MECOM: variants seen among roughly 807,000 people sequenced by gnomAD.
The protein encoded by MECOM is MDS1 and EVI1 complex locus.
A neutral mutation model predicts 116.3 loss-of-function variants in MECOM; 13 were observed. The observed-to-expected ratio is 0.11, with a 90% CI of 0.07 to 0.18. The LOEUF (loss-of-function observed/expected upper bound fraction) is 0.18, where lower values mean the gene tolerates loss of function less well. MECOM is among the 10% of genes least tolerant of loss of function. The pLI is 1.00. For missense variants in MECOM, 1,299 were observed against 1,509.0 expected (o/e 0.86, Z 2.31); for synonymous variants, 528 against 535.2 (o/e 0.99, Z 0.19).
chr3:169,346,597 A>G (rs1725393493), intron 2 of MECOM, among the ~76,000 whole-genome samples: 2 of 152,118 alleles, frequency 1.3e-5, no homozygotes, highest in East Asian at 3.9e-4. Context: ...TATGTCAGCA[A>G]GCCACAGGGG....
chr3:169,267,028 G>C (rs1445207078), intron 2 of MECOM, among the ~76,000 whole-genome samples: 1 of 152,192 alleles, frequency 6.6e-6, no homozygotes, highest in Admixed American at 6.5e-5. Flanking sequence ...GCCCCTCAAA[G>C]GGGACTGACT....
At chr3:169,128,193 G>C in intron 4 of MECOM, 133 bp from the exon 5 acceptor site, 1 of 754,538 alleles carries the variant, frequency 1.3e-6, no homozygotes, top group Non-Finnish European at 2.2e-6. Context: ...TTTTAATCTG[G>C]ATTAGAAATA....
At chr3:169,479,324 G>A (rs1191347637) in intron 1 of MECOM, among the ~76,000 whole-genome samples, 1 of 151,550 alleles carries the variant, frequency 6.6e-6, no homozygotes, top group Non-Finnish European at 1.5e-5. Context: ...CAACAAGAAG[G>A]AAAGGGAGGC....
At chr3:169,173,035 G>T (rs1744671182) in intron 2 of MECOM, among the ~76,000 whole-genome samples, 1 of 152,048 alleles carries the variant, frequency 6.6e-6, no homozygotes, top group Non-Finnish European at 1.5e-5. Flanking sequence ...TCTAAGAAAA[G>T]GATGTATTAT....
chr3:169,218,958 G>A (rs1044007319), intron 2 of MECOM, among the ~76,000 whole-genome samples: 14 of 151,272 alleles, frequency 9.3e-5, no homozygotes, highest in African/African-American at 3.1e-4. Flanking sequence ...ATATAGCTGC[G>A]TGTGTGTGTG....
At chr3:169,234,274 G>A (rs1753761096) in intron 2 of MECOM, among the ~76,000 whole-genome samples, 1 of 151,802 alleles carries the variant, frequency 6.6e-6, no homozygotes. Context: ...GATAGCAAGG[G>A]TCAGTTGGCC....
At chr3:169,183,472 T>C (rs1385274131) in intron 2 of MECOM, among the ~76,000 whole-genome samples, 1 of 152,136 alleles carries the variant, frequency 6.6e-6, no homozygotes, top group Non-Finnish European at 1.5e-5. Context: ...CAACCTGCAC[T>C]TGACTTTTAA....
At chr3:169,189,599 A>C (rs1747243314) in intron 2 of MECOM, among the ~76,000 whole-genome samples, 1 of 152,072 alleles carries the variant, frequency 6.6e-6, no homozygotes, top group Non-Finnish European at 1.5e-5. Flanking sequence ...GCTTTGGTTA[A>C]AACGTCTTAC....
rs1473763076 is a variant in MECOM at position 169,180,528 on chromosome 3, A to T, written c.376-36696T>A. Among the ~76,000 whole-genome samples the T allele has an allele frequency of 2.0e-5, 3 of 152,028 alleles. No homozygotes were observed. In the East Asian group the frequency reaches 5.8e-4, roughly 29 times the overall value. ...CTACTACTTATCATGTGTCCTGTTA[A>T]CATGGCCCTTTCCTTGATCACCTCC... On this transcript the variant is annotated intron_variant, in intron 2 of 16. Coordinates refer to ENST00000651503, the MANE Select transcript of MECOM (RefSeq NM_004991.4).
chr3:169,430,749 C>T (rs1560264634), intron 1 of MECOM, among the ~76,000 whole-genome samples: 1 of 152,120 alleles, frequency 6.6e-6, no homozygotes, highest in Admixed American at 6.6e-5. Flanking sequence ...ACAGACCATA[C>T]GATTTATACC....
At chr3:169,311,249 A>G (rs1718707393) in intron 2 of MECOM, among the ~76,000 whole-genome samples, 1 of 152,204 alleles carries the variant, frequency 6.6e-6, no homozygotes, top group Non-Finnish European at 1.5e-5. Flanking sequence ...TATCAGGAAA[A>G]TGAATAATAA....
chr3:169,149,975 G>GTGTGTGTGTC (rs1359900377), intron 2 of MECOM, among the ~76,000 whole-genome samples: 3 of 100,402 alleles, frequency 3.0e-5, no homozygotes, highest in Admixed American at 9.9e-5. Flanking sequence ...GTGTGTGTGT[G>GTGTGTGTGTC]TGTCTGTCTG....
chr3:169,506,174 G>A (rs1397444618), intron 1 of MECOM, among the ~76,000 whole-genome samples: 2 of 152,206 alleles, frequency 1.3e-5, no homozygotes, highest in South Asian at 4.1e-4. Context: ...GGAGACCACT[G>A]GTTTAATCAA....
chr3:169,104,382 C>G (rs1306362236), intron 10 of MECOM, among the ~76,000 whole-genome samples: 1 of 152,050 alleles, frequency 6.6e-6, no homozygotes, highest in Admixed American at 6.6e-5. Flanking sequence ...TCTAATTGTT[C>G]CTTGCAGAAA....
chr3:169,472,498 G>GAAAAGA (rs1749467120), intron 1 of MECOM, among the ~76,000 whole-genome samples: 1 of 81,378 alleles, frequency 1.2e-5, no homozygotes, highest in African/African-American at 5.7e-5. Context: ...GAAAGGAAAG[G>GAAAAGA]AAAGGAAAGG....
intron 2 of MECOM, among the ~76,000 whole-genome samples, chr3:169,344,257 A>T (rs749578333): frequency 9.9e-5 from 15 of 152,120 alleles, no homozygotes; most frequent in Non-Finnish European, 2.2e-4. Flanking sequence ...TAAAATTATC[A>T]CTTTAGGCAT....
intron 2 of MECOM, among the ~76,000 whole-genome samples, chr3:169,335,568 A>G (rs1723462296): frequency 6.6e-6 from 1 of 152,164 alleles, no homozygotes; most frequent in Admixed American, 6.6e-5. Context: ...CCATAAGTGC[A>G]ATCCTCAATA....
chr3:169,137,711 C>A (rs1736788118), intron 3 of MECOM, among the ~76,000 whole-genome samples: 1 of 152,046 alleles, frequency 6.6e-6, no homozygotes, highest in Non-Finnish European at 1.5e-5. Flanking sequence ...TTTTTTTCTT[C>A]TCCACATCTT....
intron 2 of MECOM, among the ~76,000 whole-genome samples, chr3:169,334,362 G>A (rs189302962): frequency 6.2e-4 from 95 of 152,208 alleles, no homozygotes; most frequent in Admixed American, 5.3e-3. Context: ...GTGAAGCACC[G>A]GACATTATTA....
Sources: allele counts gnomAD v4.1 joint callset (sites outside exome capture counted in the v4.1 genomes callset), GRCh38; gene constraint gnomAD v4.1.1; transcripts MANE v1.5; gene names NCBI Gene and HGNC (gene_info 2026-07-23, HGNC 2026-07-21).